ITIH1: variants seen among roughly 807,000 people sequenced by gnomAD.
The protein encoded by ITIH1 is inter-alpha-trypsin inhibitor heavy chain H1.
In ITIH1, 94 loss-of-function variants were observed where a neutral mutation model predicts 104.6. That is an observed-to-expected ratio of 0.90 (90% CI 0.76 to 1.07). The LOEUF (loss-of-function observed/expected upper bound fraction) is 1.07. Among genes scored for constraint, ITIH1 ranks in the 50% least tolerant of loss-of-function variants. The probability of loss-of-function intolerance (pLI) is 0.00; values close to 1 mark genes in which losing one functional copy is unlikely to be tolerated. For missense variants in ITIH1, 1,193 were observed against 1,181.4 expected, an observed-to-expected ratio of 1.01 and a Z score of -0.14; for synonymous variants, 455 against 464.4, an observed-to-expected ratio of 0.98 and a Z score of 0.26.
Position 52,788,056 on chromosome 3 carries a change from A to G in ITIH1, c.1995A>G (p.Arg665=). 1.2e-6 allele frequency: 2 copies of G among 1,606,514 alleles called. No homozygotes were observed. The highest frequency in any genetic ancestry group is 2.7e-5 in the African/African-American group (2 of 74,962). Residue 665 remains arginine, a synonymous_variant, in exon 17 of 22, where the codon CGA becomes CGG. Coordinates refer to ENST00000273283, the MANE Select transcript of ITIH1 (RefSeq NM_002215.4). The stretch of plus-strand genomic sequence containing the variant: ...CCAATACCCAGCGGCTGCCAGACCG[A>G]GTGACCGGCGGTGAGTCCTTGGAAG... ...SSSNTQRLPD[R]VTGVDTDPHF... is the part of the protein sequence containing the mutation.
At chr3:52,777,793 G>A in intron 1 of ITIH1, 61 bp downstream of exon 1, 1 of 1,465,908 alleles carries the variant, frequency 6.8e-7, no homozygotes, top group Non-Finnish European at 9.4e-7. Context: ...GCCCCGGGCG[G>A]GACACAAGAC....
intron 6 of ITIH1, 110 bp from the exon 7 acceptor site, chr3:52,781,830 T>C: frequency 7.0e-7 from 1 of 1,420,668 alleles, no homozygotes; most frequent in Non-Finnish European, 9.6e-7. Flanking sequence ...CGTTTCTCTG[T>C]CCGTGCAAAC....
chr3:52,788,068 T>C lies in ITIH1; in HGVS notation c.2005+2T>C. 1 of 1,600,482 alleles carries C rather than the reference T, an allele frequency of 6.2e-7. No individual in the cohort carries two copies. The highest frequency in any genetic ancestry group is 1.1e-5 in the South Asian group (1 of 88,314). ...GGCTGCCAGACCGAGTGACCGGCGG[T>C]GAGTCCTTGGAAGGGTCTGAGGGAC... On this transcript the variant is annotated splice_donor_variant, in intron 17 of 21. Transcript: ENST00000273283. LOFTEE classifies it high-confidence loss of function.
In ITIH1 at chr3:52,777,738, T is replaced by G. The variant is rs1698941802; in HGVS notation, c.117+6T>G. 1.3e-6 allele frequency: 2 copies of G among 1,571,662 alleles called. No individual in the cohort carries two copies. The highest frequency in any genetic ancestry group is 1.9e-5 in the Admixed American group (1 of 53,876). ...GCAGGTCCAAGAGCAGCGAGGTATA[T>G]GGCTAAGCCCACAGGGCAGAAATAG... On this transcript the variant is annotated splice_donor_region_variant and intron_variant, in intron 1 of 21. Coordinates refer to ENST00000273283, the MANE Select transcript of ITIH1 (RefSeq NM_002215.4).
chr3:52,777,753 G>A (rs764602645), intron 1 of ITIH1, 21 bp downstream of exon 1: 3 of 1,548,696 alleles, frequency 1.9e-6, no homozygotes, highest in Non-Finnish European at 1.8e-6. Context: ...AAGCCCACAG[G>A]GCAGAAATAG....
intron 13 of ITIH1, 86 bp from the exon 14 acceptor site, chr3:52,786,857 AAT>A: frequency 5.0e-6 from 7 of 1,395,324 alleles, no homozygotes; most frequent in Non-Finnish European, 6.9e-6. Context: ...TGAATGAATG[AAT>A]GAATGAATGA....
chr3:52,780,248 T>A lies in ITIH1; in HGVS notation c.574-21T>A, dbSNP rs758431387. 7 of 1,557,140 alleles carry A rather than the reference T, an allele frequency of 4.5e-6. No individual in the cohort carries two copies. The Admixed American group carries it at 1.0e-4, about 23-fold the overall frequency. ...GATCCCATCTTTTTTTTTAAAAAAA[T>A]AATTTGCTTCAATGTTGCAGATTGA... is the stretch of plus-strand genomic sequence containing the variant. On this transcript the variant is annotated intron_variant, in intron 5 of 21. Transcript: ENST00000273283.
Position 52,787,194 on chromosome 3 carries a change from C to A in ITIH1, c.1895C>A (p.Pro632Gln). ...PTIDKPSEDS[P>Q]PLEMLGPRRT... is the part of the protein sequence containing the mutation. Reference sequence around the variant, plus strand: ...CTCTTTCTCTCCCTTCCAGATTCTCCGCCTTTGGGTGAGTTTTAAATTGCA... The same window carrying A: ...CTCTTTCTCTCCCTTCCAGATTCTCAGCCTTTGGGTGAGTTTTAAATTGCA... The change falls in exon 15 of 22, where the codon CCG (proline) becomes CAG (glutamine). Residue 632 changes from proline (P) to glutamine (Q), a missense_variant. By Grantham distance (76) the Pro-to-Gln change is moderately conservative. Coordinates refer to ENST00000273283, the MANE Select transcript of ITIH1 (RefSeq NM_002215.4). 6.2e-7 allele frequency: 1 copy of A among 1,614,056 alleles called. No individual in the cohort carries two copies. Among genetic ancestry groups the A allele is most frequent in the East Asian group, 2.2e-5 (1 of 44,886 alleles).
Position 52,778,373 on chromosome 3 carries a change from G to A in ITIH1, c.172G>A (p.Val58Ile). 6.2e-7 allele frequency: 1 copy of A among 1,614,232 alleles called. No individual in the cohort carries two copies. The highest frequency in any genetic ancestry group is 1.1e-5 in the South Asian group (1 of 91,080). ...TGGCGTGTTCATCCGGAGTTTGAAAGTCAACTGCAAAGTCACCTCTCGCTT... is the reference window on the plus strand; with the variant it reads ...TGGCGTGTTCATCCGGAGTTTGAAAATCAACTGCAAAGTCACCTCTCGCTT... ...VDGVFIRSLK[V>I]NCKVTSRFAH... Residue 58 changes from valine to isoleucine, a missense_variant, in exon 3 of 22, where the codon GTC (valine) becomes ATC (isoleucine). Physicochemically the swap from Val to Ile is conservative, Grantham distance 29. Coordinates refer to ENST00000273283, the MANE Select transcript of ITIH1 (RefSeq NM_002215.4).
chr3:52,787,511 G>T, intron 15 of ITIH1, 81 bp from the exon 16 acceptor site: 1 of 1,552,698 alleles, frequency 6.4e-7, no homozygotes, highest in Non-Finnish European at 8.9e-7. Flanking sequence ...GCCCAGGCCT[G>T]TTGTGGACAG....
At chr3:52,791,263 C>G (rs1699348964) in intron 20 of ITIH1, among the ~76,000 whole-genome samples, 1 of 124,356 alleles carries the variant, frequency 8.0e-6, no homozygotes, top group South Asian at 2.2e-4. Flanking sequence ...CTATGGGCAC[C>G]TGCCCTCAAA....
In ITIH1 at chr3:52,787,576, T is replaced by C. The variant is rs745564088; in HGVS notation, c.1904-16T>C. On this transcript the variant is annotated splice_polypyrimidine_tract_variant and intron_variant, in intron 15 of 21. Coordinates refer to ENST00000273283, the MANE Select transcript of ITIH1 (RefSeq NM_002215.4). ...GGGTGACACTGTCTTCGATAATATG[T>C]CCTTGTCTTCTACAGAGATGCTGGG... 4 of 1,614,128 alleles carry C rather than the reference T, an allele frequency of 2.5e-6. No individual in the cohort carries two copies. In the East Asian group the frequency reaches 8.9e-5, roughly 36 times the overall value.
At chr3:52,791,677 T>A (rs1465086962) in intron 21 of ITIH1, 49 bp downstream of exon 21, 1 of 1,609,104 alleles carries the variant, frequency 6.2e-7, no homozygotes, top group Non-Finnish European at 8.5e-7. Flanking sequence ...ACTTTGTAGT[T>A]CTTCCAGGTC....
rs1369264820 is a variant in ITIH1, at chr3:52,790,082, C to G, written c.2321+228C>G. 6 of 569,716 alleles carry G rather than the reference C, an allele frequency of 1.1e-5. No homozygotes were observed. The African/African-American group carries it at 1.1e-4, about 11-fold the overall frequency. 35.3% of individuals were successfully genotyped at this position (569,716 alleles called of 1,614,324 possible). ...CAACTGTGCTCCCACCGCACCTTAG[C>G]TCTGAATGCCACCCCTGTCTCTACC... On this transcript the variant is annotated intron_variant, in intron 19 of 21. Transcript: ENST00000273283.
chr3:52,787,577 C>T lies in ITIH1; in HGVS notation c.1904-15C>T. The T allele has an allele frequency of 6.2e-7, 1 of 1,614,138 alleles. No individual in the cohort carries two copies. Among genetic ancestry groups the T allele is most frequent in the Non-Finnish European group, 8.5e-7 (1 of 1,179,974 alleles). Reference sequence around the variant, plus strand: ...GGTGACACTGTCTTCGATAATATGTCCTTGTCTTCTACAGAGATGCTGGGA... The same window carrying T: ...GGTGACACTGTCTTCGATAATATGTTCTTGTCTTCTACAGAGATGCTGGGA... On this transcript the variant is annotated splice_polypyrimidine_tract_variant and intron_variant, in intron 15 of 21. Transcript: ENST00000273283.
chr3:52,785,468 A>G (rs1699176621), intron 12 of ITIH1, among the ~76,000 whole-genome samples: 2 of 152,188 alleles, frequency 1.3e-5, no homozygotes, highest in Non-Finnish European at 1.5e-5. Context: ...CTCGGCCCCC[A>G]GTGACCAATT....
chr3:52,778,749 G>A (rs997444365), intron 3 of ITIH1, 193 bp from the exon 4 acceptor site: 4 of 1,303,494 alleles, frequency 3.1e-6, no homozygotes, highest in Non-Finnish European at 4.1e-6. Context: ...GCCAAGGCCA[G>A]AGTCTGAGGC....
At position 52,784,426 on chromosome 3, in the gene ITIH1, C is replaced by T. The variant is rs202071767; in HGVS notation, c.1356C>T (p.Asn452=). Residue 452 remains asparagine (N), a synonymous_variant, in exon 11 of 22, where the codon AAC becomes AAT. Coordinates refer to ENST00000273283, the MANE Select transcript of ITIH1 (RefSeq NM_002215.4). ...NFLEVMSMEN[N]GRAQRIYEDH... ...TGGAGGTCATGTCCATGGAGAACAACGGACGGGCCCAGAGAATCTACGAGG... is the reference window on the plus strand; with the variant it reads ...TGGAGGTCATGTCCATGGAGAACAATGGACGGGCCCAGAGAATCTACGAGG... 1.5e-5 allele frequency: 25 copies of T among 1,614,154 alleles called. No homozygotes were observed. In the East Asian group the frequency reaches 2.7e-4, roughly 17 times the overall value.
chr3:52,790,548 T>TA, intron 19 of ITIH1: 1 of 574,596 alleles, frequency 1.7e-6, no homozygotes, highest in Non-Finnish European at 3.0e-6. Flanking sequence ...ACAGAGGGCT[T>TA]AGCACAGGAC....
Sources: allele counts gnomAD v4.1 joint callset (sites outside exome capture counted in the v4.1 genomes callset), GRCh38; gene constraint gnomAD v4.1.1; transcripts MANE v1.5; gene names NCBI Gene and HGNC (gene_info 2026-07-23, HGNC 2026-07-21).